Variants in ST7 observed in about 807,000 individuals in gnomAD.
ST7 encodes the protein suppressor of tumorigenicity 7 protein.
A neutral mutation model predicts 78.7 loss-of-function variants in ST7; 28 were observed. That is an observed-to-expected ratio of 0.36 (90% CI 0.26 to 0.49). The LOEUF (loss-of-function observed/expected upper bound fraction) is 0.49. ST7 is among the 20% of genes least tolerant of loss of function. The pLI, the probability that ST7 is intolerant of heterozygous loss-of-function variation, is 0.99. For missense variants in ST7, 418 were observed against 696.0 expected (o/e 0.60, Z 4.49); for synonymous variants, 247 against 249.6 (o/e 0.99, Z 0.10).
chr7:117,156,083 C>A (rs1806666851), intron 9 of ST7, among the ~76,000 whole-genome samples: 1 of 152,198 alleles, frequency 6.6e-6, no homozygotes, highest in South Asian at 2.1e-4. Context: ...ACCCATTTCC[C>A]TGCTTTACTT....
rs1792952680 is a variant in ST7 at position 117,219,792 on chromosome 7, C to CGTG, written c.1498+616_1498+617insGTG. ...TGTATGAAAGCACACAAAAGAAAAC[C>CGTG]CTGCCCTCGACTACCTTACACTTGC... is the stretch of plus-strand genomic sequence containing the variant. On this transcript the variant is annotated intron_variant, in intron 14 of 15. Transcript: ENST00000323984. The surrounding 1 kb of genome is among the most constrained non-coding windows in gnomAD (Gnocchi z 5.1). 4.6e-5 allele frequency among the ~76,000 whole-genome samples: 7 copies of CGTG among 152,228 alleles called. No homozygotes were observed. The highest frequency in any genetic ancestry group is 4.6e-4 in the Admixed American group (7 of 15,286).
At chr7:117,162,870 T>A (rs1037819596) in intron 9 of ST7, among the ~76,000 whole-genome samples, 1 of 152,132 alleles carries the variant, frequency 6.6e-6, no homozygotes, top group African/African-American at 2.4e-5. Flanking sequence ...TAGAAGTTAT[T>A]CCTTCTGTTG....
At chr7:117,017,187 C>T (rs1795656033) in intron 1 of ST7, among the ~76,000 whole-genome samples, 1 of 152,138 alleles carries the variant, frequency 6.6e-6, no homozygotes, top group South Asian at 2.1e-4. Flanking sequence ...TACTCCTTAT[C>T]CTCTAATTCC....
intron 1 of ST7, chr7:116,959,168 C>A (rs1217472896): frequency 2.1e-6 from 1 of 467,424 alleles, no homozygotes; most frequent in Non-Finnish European, 4.4e-6. Flanking sequence ...TTCACAGCAT[C>A]TTCACCAGGA....
Position 117,184,943 on chromosome 7 carries a change from C to T in ST7, c.1079-4378C>T, listed in dbSNP as rs112212145. ...AATTTCTGGAAACCTCTAATTATGT[C>T]GAAATATTAAGTTTAAAAATTATAA... is the stretch of plus-strand genomic sequence containing the variant. On this transcript the variant is annotated intron_variant, in intron 10 of 15. Transcript: ENST00000323984. Among the ~76,000 whole-genome samples, 1,187 of 152,134 alleles carry T rather than the reference C, an allele frequency of 7.8e-3. 14 individuals carry two copies. The highest frequency in any genetic ancestry group is 0.012 in the Non-Finnish European group (799 of 68,000).
chr7:117,052,775 T>C (rs1649101453), intron 1 of ST7, among the ~76,000 whole-genome samples: 1 of 152,190 alleles, frequency 6.6e-6, no homozygotes, highest in African/African-American at 2.4e-5. Context: ...GCGTCTGTAG[T>C]CCCAGCTACT....
chr7:117,079,914 A>G (rs1391823861), intron 1 of ST7, among the ~76,000 whole-genome samples: 2 of 151,244 alleles, frequency 1.3e-5, no homozygotes, highest in Non-Finnish European at 2.9e-5. Context: ...AAGAAAAAAA[A>G]TCACTTACAG....
chr7:116,966,247 CTTTTTT>C, intron 1 of ST7: 2 of 177,868 alleles, frequency 1.1e-5, no homozygotes, highest in East Asian at 1.9e-4. Context: ...TTTTTTCTTT[CTTTTTT>C]TTTTTTTTTT....
chr7:117,039,279 A>G (rs1797079328), intron 1 of ST7, among the ~76,000 whole-genome samples: 1 of 152,168 alleles, frequency 6.6e-6, no homozygotes, highest in African/African-American at 2.4e-5. Context: ...CTTCTTTGCT[A>G]TATATTTAAA....
intron 1 of ST7, among the ~76,000 whole-genome samples, chr7:117,083,799 A>G: frequency 6.6e-6 from 1 of 152,178 alleles, no homozygotes; most frequent in Middle Eastern, 3.2e-3. Flanking sequence ...GTGGCTCAGC[A>G]CAGAAGCTAG....
chr7:116,959,807 C>T (rs952850931), intron 1 of ST7: 1 of 152,132 alleles, frequency 6.6e-6, no homozygotes, highest in Non-Finnish European at 1.5e-5. Flanking sequence ...TAAAGCAATC[C>T]GAATGATGCA....
intron 1 of ST7, among the ~76,000 whole-genome samples, chr7:117,092,906 A>G (rs1800742563): frequency 6.6e-6 from 1 of 152,228 alleles, no homozygotes; most frequent in African/African-American, 2.4e-5. Flanking sequence ...TGCAATGAAA[A>G]CATTGCTAAC....
intron 1 of ST7, among the ~76,000 whole-genome samples, chr7:117,066,390 A>C (rs1798632367): frequency 6.6e-6 from 1 of 152,206 alleles, no homozygotes; most frequent in African/African-American, 2.4e-5. Flanking sequence ...TGAACAAATG[A>C]ACCTGTAGCA....
In ST7 at chr7:117,158,811, A is replaced by G. The variant is rs914646771; in HGVS notation, c.964-12051A>G. Among the ~76,000 whole-genome samples, 67 of 152,190 alleles carry G rather than the reference A, an allele frequency of 4.4e-4. 1 individual carries two copies. Among genetic ancestry groups the G allele is most frequent in the Non-Finnish European group, 2.8e-4 (19 of 68,036 alleles). ...ATTACTGGCAAAATAATAACCATGC[A>G]TTATACAGTGTCTTTTCTATTTTCT... On this transcript the variant is annotated intron_variant, in intron 9 of 15. Coordinates refer to ENST00000323984, the MANE Select transcript of ST7 (RefSeq NM_001369598.1).
chr7:117,045,900 A>G (rs1292092123), intron 1 of ST7, among the ~76,000 whole-genome samples: 1 of 152,222 alleles, frequency 6.6e-6, no homozygotes, highest in Non-Finnish European at 1.5e-5. Context: ...CCTTTCAGTT[A>G]AAGGGAAATC....
chr7:116,960,417 G>C (rs1247545731), intron 1 of ST7, among the ~76,000 whole-genome samples: 1 of 152,120 alleles, frequency 6.6e-6, no homozygotes. Context: ...TCAAACTTCA[G>C]GCCTCTAGTG....
chr7:117,015,732 G>C (rs1428908849), intron 1 of ST7, among the ~76,000 whole-genome samples: 1 of 152,130 alleles, frequency 6.6e-6, no homozygotes, highest in Non-Finnish European at 1.5e-5. Context: ...GTAGGGACAT[G>C]AGTCTTTGCC....
chr7:117,045,924 G>C (rs1264569409), intron 1 of ST7, among the ~76,000 whole-genome samples: 2 of 152,156 alleles, frequency 1.3e-5, no homozygotes, highest in South Asian at 4.1e-4. Context: ...TTCTAGAGGG[G>C]TTCTAACCCC....
intron 15 of ST7, among the ~76,000 whole-genome samples, chr7:117,227,445 C>T (rs548126287): frequency 6.6e-6 from 1 of 152,308 alleles, no homozygotes; most frequent in South Asian, 2.1e-4. Context: ...ATCGAGACCA[C>T]TGTAACACTT....
Sources: gnomAD v4.1 joint callset for allele counts (sites outside exome capture counted in the v4.1 genomes callset) on GRCh38, gnomAD v4.1.1 for gene constraint, Gnocchi (gnomAD v3.1) non-coding constraint, MANE v1.5 for transcripts, NCBI Gene and HGNC (gene_info 2026-07-23, HGNC 2026-07-21) for gene names.